ZNF704: variants seen among roughly 807,000 people sequenced by gnomAD.
The protein encoded by ZNF704 is glucocorticoid induced gene 1.
ZNF704 carries 10 observed loss-of-function variants against 44.7 expected under a neutral mutation model. The ratio of observed to expected loss-of-function variants is 0.22; its 90% CI spans 0.14 to 0.38. The LOEUF is 0.38. Ranked by LOEUF, ZNF704 falls within the 10% of genes least tolerant of loss-of-function variation. The pLI is 1.00. For missense variants in ZNF704, 390 were observed against 545.5 expected (o/e 0.71, Z 2.84); for synonymous variants, 211 against 207.6 (o/e 1.02, Z -0.14).
chr8:80,868,828 C>G (rs1377709331), intron 1 of ZNF704, among the ~76,000 whole-genome samples: 1 of 152,164 alleles, frequency 6.6e-6, no homozygotes, highest in Non-Finnish European at 1.5e-5. Context: ...CCTGCCCTCA[C>G]TCTTCTTATG....
In ZNF704 at chr8:80,635,404, CTTTTT is replaced by C. The variant is rs1359035021; in HGVS notation, c.*5957_*5961del. Reference sequence around the variant, plus strand: ...CTTTTTGTTTTGTTTTTTTATTTTCCTTTTTTATTTTTTCCCTCCACTATATTTTG... The same window carrying C: ...CTTTTTGTTTTGTTTTTTTATTTTCCTATTTTTTCCCTCCACTATATTTTG... On this transcript the variant is annotated 3_prime_UTR_variant, in exon 9 of 9. Transcript: ENST00000327835. 1 of 151,886 alleles carries C rather than the reference CTTTTT, an allele frequency of 6.6e-6. No individual in the cohort carries two copies. The highest frequency in any genetic ancestry group is 1.5e-5 in the Non-Finnish European group (1 of 67,968). 9.4% of individuals were successfully genotyped at this position (151,886 alleles called of 1,614,324 possible).
intron 2 of ZNF704, among the ~76,000 whole-genome samples, chr8:80,798,546 T>G (rs1041270610): frequency 6.6e-6 from 1 of 152,196 alleles, no homozygotes; most frequent in Non-Finnish European, 1.5e-5. Flanking sequence ...TGAGCCACGA[T>G]GCCCGGCCCT....
At position 80,662,003 on chromosome 8, in the gene ZNF704, C is replaced by T. The variant is rs150931554; in HGVS notation, c.928-2314G>A. ...ACAAGGCGATTAATATTCAAAATAC[C>T]CTGACTTGACTGTTACACATCCTAT... On this transcript the variant is annotated intron_variant, in intron 6 of 8. Coordinates refer to ENST00000327835, the MANE Select transcript of ZNF704 (RefSeq NM_001033723.3). Among the ~76,000 whole-genome samples, 765 of 152,176 alleles carry T rather than the reference C, an allele frequency of 5.0e-3. 6 individuals carry two copies. The highest frequency in any genetic ancestry group is 0.017 in the African/African-American group (724 of 41,532).
intron 2 of ZNF704, among the ~76,000 whole-genome samples, chr8:80,807,621 C>G (rs774569025): frequency 6.6e-6 from 1 of 151,856 alleles, no homozygotes; most frequent in Non-Finnish European, 1.5e-5. Flanking sequence ...AATATGTCAG[C>G]TCTGCTTAAT....
At chr8:80,755,371 C>T (rs1807018160) in intron 2 of ZNF704, among the ~76,000 whole-genome samples, 1 of 152,140 alleles carries the variant, frequency 6.6e-6, no homozygotes, top group Non-Finnish European at 1.5e-5. Context: ...AGGAGAATTG[C>T]TTGAGCCTGG....
chr8:80,859,112 T>C (rs949755402), intron 1 of ZNF704, among the ~76,000 whole-genome samples: 32 of 152,258 alleles, frequency 2.1e-4, no homozygotes, highest in African/African-American at 6.5e-4. Context: ...TTTTGCTTCA[T>C]ATATTTTGAA....
At chr8:80,811,767 C>G (rs1808086883) in intron 2 of ZNF704, among the ~76,000 whole-genome samples, 1 of 152,132 alleles carries the variant, frequency 6.6e-6, no homozygotes, top group Non-Finnish European at 1.5e-5. Flanking sequence ...TGCTTTATAG[C>G]AGGGGTCCTC....
chr8:80,646,008 C>T (rs1209083142), intron 7 of ZNF704, among the ~76,000 whole-genome samples: 1 of 152,168 alleles, frequency 6.6e-6, no homozygotes, highest in Non-Finnish European at 1.5e-5. Context: ...GTTTGGCCCC[C>T]CTCACCCTCT....
chr8:80,822,908 T>C (rs1312102384), intron 1 of ZNF704, among the ~76,000 whole-genome samples: 1 of 152,226 alleles, frequency 6.6e-6, no homozygotes, highest in Non-Finnish European at 1.5e-5. Context: ...GATGTTTTCT[T>C]GTAAATTTGT....
rs1359795401 is a variant in ZNF704, at chr8:80,874,684, T to C, written c.-135A>G. The C allele has an allele frequency of 6.6e-6, 1 of 151,952 alleles. No homozygotes were observed. The highest frequency in any genetic ancestry group is 2.4e-5 in the African/African-American group (1 of 41,382). The allele number at this position is 151,952 out of a possible 1,614,324, so 9.4% of individuals were successfully genotyped here. A position where few individuals can be genotyped will look rare whatever the true frequency, so the allele number is the denominator to read the frequency against. On this transcript the variant is annotated 5_prime_UTR_variant, in exon 1 of 9. Coordinates refer to ENST00000327835, the MANE Select transcript of ZNF704 (RefSeq NM_001033723.3). The surrounding 1 kb of genome is among the most constrained non-coding windows in gnomAD (Gnocchi z 4.4). ...GGAGGGGAGTAGACTTCGCTGGAAG[T>C]AAGGTTGTCTGTCAAAGTTAGACTT...
intron 2 of ZNF704, among the ~76,000 whole-genome samples, chr8:80,757,942 T>C (rs1045854453): frequency 6.6e-6 from 1 of 152,162 alleles, no homozygotes; most frequent in Non-Finnish European, 1.5e-5. Flanking sequence ...ATGACGCATT[T>C]CTCAGAATGC....
intron 2 of ZNF704, among the ~76,000 whole-genome samples, chr8:80,709,180 C>T (rs1222745195): frequency 6.6e-6 from 1 of 151,980 alleles, no homozygotes; most frequent in Non-Finnish European, 1.5e-5. Context: ...TGTGGAGGCT[C>T]ACGCCTGTAA....
At chr8:80,709,731 G>C (rs931854953) in intron 2 of ZNF704, among the ~76,000 whole-genome samples, 1 of 152,112 alleles carries the variant, frequency 6.6e-6, no homozygotes, top group African/African-American at 2.4e-5. Context: ...TTGCCCATTA[G>C]AGGGCTCCTG....
At chr8:80,833,078 T>C (rs1048761256) in intron 1 of ZNF704, among the ~76,000 whole-genome samples, 1 of 152,220 alleles carries the variant, frequency 6.6e-6, no homozygotes, top group Non-Finnish European at 1.5e-5. Context: ...CCAGGCGCGG[T>C]GGCTCATGCC....
Position 80,672,394 on chromosome 8 carries a change from C to T in ZNF704, c.559-1791G>A, listed in dbSNP as rs1371664140. Among the ~76,000 whole-genome samples the T allele has an allele frequency of 4.6e-5, 7 of 152,182 alleles. No homozygotes were observed. The South Asian group carries it at 1.2e-3, about 27-fold the overall frequency. On this transcript the variant is annotated intron_variant, in intron 4 of 8. Transcript: ENST00000327835. ...AAGAACTAAAAATAGAAGTACCATT[C>T]GACCCAGCAATCCCATTACTGGGTG...
At chr8:80,824,256 T>C (rs1171631343) in intron 1 of ZNF704, among the ~76,000 whole-genome samples, 2 of 152,110 alleles carry the variant, frequency 1.3e-5, no homozygotes, top group African/African-American at 4.8e-5. Flanking sequence ...CTGAAAACCA[T>C]GGCACGAGAA....
chr8:80,763,688 C>T (rs1174467666), intron 2 of ZNF704, among the ~76,000 whole-genome samples: 2 of 152,204 alleles, frequency 1.3e-5, no homozygotes, highest in African/African-American at 2.4e-5. Flanking sequence ...CTCCTCATTA[C>T]CTATGTAAAT....
At chr8:80,652,197 T>C (rs553717676) in intron 7 of ZNF704, among the ~76,000 whole-genome samples, 3 of 152,194 alleles carry the variant, frequency 2.0e-5, no homozygotes, top group Admixed American at 2.0e-4. Context: ...TAGCACTAAA[T>C]GCCCACAAGA....
In ZNF704 at chr8:80,692,020, C is replaced by T. The variant is rs114718293; in HGVS notation, c.325+984G>A. Among the ~76,000 whole-genome samples the T allele has an allele frequency of 5.9e-3, 898 of 151,620 alleles. 9 individuals are homozygous for T. Among genetic ancestry groups the T allele is most frequent in the African/African-American group, 0.021 (864 of 41,314 alleles). On this transcript the variant is annotated intron_variant, in intron 3 of 8. Coordinates refer to ENST00000327835, the MANE Select transcript of ZNF704 (RefSeq NM_001033723.3). ...CTACCTGCACTGTGACCACCAAGATCTTTTTTTTTCCTTTGGCTGATAAAC... is the reference window on the plus strand; with the variant it reads ...CTACCTGCACTGTGACCACCAAGATTTTTTTTTTTCCTTTGGCTGATAAAC...
Sources: gnomAD v4.1 joint callset for allele counts (sites outside exome capture counted in the v4.1 genomes callset) on GRCh38, gnomAD v4.1.1 for gene constraint, Gnocchi (gnomAD v3.1) non-coding constraint, MANE v1.5 for transcripts, NCBI Gene and HGNC (gene_info 2026-07-23, HGNC 2026-07-21) for gene names.